Variants in NLGN4Y observed in about 807,000 individuals in gnomAD.
NLGN4Y encodes neuroligin-4, Y-linked.
Under a neutral mutation model 8.4 loss-of-function variants are expected in NLGN4Y, and 4 were observed. That is an observed-to-expected ratio of 0.48 (90% CI 0.23 to 1.09). NLGN4Y has a LOEUF of 1.09. NLGN4Y is among the 50% of genes least tolerant of loss of function. The probability of loss-of-function intolerance (pLI) is 0.19; values close to 1 mark genes in which losing one functional copy is unlikely to be tolerated. For missense variants in NLGN4Y, 90 were observed against 192.3 expected, an observed-to-expected ratio of 0.47 and a Z score of 3.15; for synonymous variants, 35 against 75.6, an observed-to-expected ratio of 0.46 and a Z score of 2.78.
chrY:14,542,390 A>G (rs2080153404), intron 1 of NLGN4Y, among the ~76,000 whole-genome samples: 1 of 33,467 alleles, frequency 3.0e-5, no homozygotes, highest in East Asian at 8.0e-4. Context: ...AGACTGAACA[A>G]TGAGACAGAA....
chrY:14,547,417 C>A, intron 1 of NLGN4Y, among the ~76,000 whole-genome samples: 1 of 33,841 alleles, frequency 3.0e-5, no homozygotes, highest in Non-Finnish European at 7.3e-5. Context: ...GGAGGTGAAA[C>A]CTTGTAACCC....
chrY:14,574,442 C>T (rs908669313), intron 1 of NLGN4Y, among the ~76,000 whole-genome samples: 7 of 32,920 alleles, frequency 2.1e-4, no homozygotes, highest in Non-Finnish European at 4.5e-4. Context: ...TTTCCATTTG[C>T]TTGGTAGATC....
intron 2 of NLGN4Y, among the ~76,000 whole-genome samples, chrY:14,703,470 T>G: frequency 3.0e-5 from 1 of 33,574 alleles, no homozygotes; most frequent in African/African-American, 1.2e-4. Flanking sequence ...CAGATGGTTG[T>G]AGATATGCGG....
chrY:14,831,653 AAAC>A (rs2043179643), intron 6 of NLGN4Y, among the ~76,000 whole-genome samples: 1 of 30,499 alleles, frequency 3.3e-5, no homozygotes, highest in African/African-American at 1.3e-4. Context: ...ATAGAAATAC[AAAC>A]AACTACAAAT....
chrY:14,706,555 G>A, intron 2 of NLGN4Y, among the ~76,000 whole-genome samples: 2 of 31,075 alleles, frequency 6.4e-5, no homozygotes, highest in Non-Finnish European at 1.5e-4. Flanking sequence ...TGGGATTACA[G>A]GCATGTGGCA....
intron 2 of NLGN4Y, chrY:14,640,342 T>C: frequency 9.1e-6 from 1 of 109,852 alleles, no homozygotes; most frequent in African/African-American, 1.0e-4. Context: ...GAATAGATGC[T>C]GGCAAGCCCC....
chrY:14,664,832 T>C (rs977586769), intron 2 of NLGN4Y, among the ~76,000 whole-genome samples: 3 of 34,065 alleles, frequency 8.8e-5, no homozygotes. Flanking sequence ...AGATACTTTT[T>C]ATCCATTCAA....
intron 1 of NLGN4Y, among the ~76,000 whole-genome samples, chrY:14,603,722 G>A (rs2080436675): frequency 3.0e-5 from 1 of 33,283 alleles, no homozygotes; most frequent in Non-Finnish European, 7.4e-5. Flanking sequence ...AGTTTGGTGA[G>A]ACAGATGAAC....
At chrY:14,645,895 T>C (rs2080609957) in intron 2 of NLGN4Y, among the ~76,000 whole-genome samples, 2 of 32,272 alleles carry the variant, frequency 6.2e-5, no homozygotes, top group Non-Finnish European at 1.5e-4. Context: ...GGTGATAATA[T>C]GGTTGATGAG....
intron 2 of NLGN4Y, among the ~76,000 whole-genome samples, chrY:14,686,003 GGAATATTGGCTGC>G (rs2080788641): frequency 3.1e-5 from 1 of 32,671 alleles, no homozygotes; most frequent in Non-Finnish European, 7.5e-5. Flanking sequence ...GTATTTACAG[GGAATATTGGCTGC>G]TGTGAAGGCT....
intron 2 of NLGN4Y, among the ~76,000 whole-genome samples, chrY:14,669,001 C>T (rs2080701184): frequency 3.0e-5 from 1 of 32,803 alleles, no homozygotes; most frequent in Non-Finnish European, 7.5e-5. Flanking sequence ...TGGTGATATA[C>T]AGCCAAATGA....
chrY:14,785,434 T>C, intron 4 of NLGN4Y, among the ~76,000 whole-genome samples: 1 of 34,266 alleles, frequency 2.9e-5, no homozygotes, highest in Non-Finnish European at 7.3e-5. Context: ...TGTGTAATGG[T>C]ATCCAGTATG....
intron 4 of NLGN4Y, among the ~76,000 whole-genome samples, chrY:14,820,628 T>C (rs761466274): frequency 3.1e-5 from 1 of 32,710 alleles, no homozygotes; most frequent in South Asian, 7.1e-4. Flanking sequence ...CCACAGTTTA[T>C]ACCATAAATC....
At chrY:14,682,292 G>T (rs2080773380) in intron 2 of NLGN4Y, among the ~76,000 whole-genome samples, 2 of 33,409 alleles carry the variant, frequency 6.0e-5, no homozygotes, top group Admixed American at 5.5e-4. Flanking sequence ...AGGGCCTCAG[G>T]AAATTTAATA....
chrY:14,702,393 G>A (rs2080854461), intron 2 of NLGN4Y, among the ~76,000 whole-genome samples: 3 of 31,485 alleles, frequency 9.5e-5, no homozygotes, highest in Non-Finnish European at 2.3e-4. Flanking sequence ...GTTCCCACCT[G>A]TGAGTGAGAA....
At chrY:14,598,250 G>C (rs2080411796) in intron 1 of NLGN4Y, among the ~76,000 whole-genome samples, 1 of 34,572 alleles carries the variant, frequency 2.9e-5, no homozygotes, top group African/African-American at 1.1e-4. Context: ...GAGCAGGGTT[G>C]GTGCTCGTCG....
At chrY:14,595,855 G>A in intron 1 of NLGN4Y, among the ~76,000 whole-genome samples, 2 of 33,165 alleles carry the variant, frequency 6.0e-5, no homozygotes, top group Non-Finnish European at 1.5e-4. Context: ...GAGGAAGGTC[G>A]GATTTAGTGG....
intron 2 of NLGN4Y, among the ~76,000 whole-genome samples, chrY:14,679,327 A>T (rs2080760657): frequency 6.2e-5 from 2 of 32,144 alleles, no homozygotes; most frequent in Admixed American, 5.8e-4. Flanking sequence ...TTTTTTTCCA[A>T]TTAGTGTGCT....
chrY:14,837,734 G>A (rs372295152), intron 6 of NLGN4Y, among the ~76,000 whole-genome samples: 7 of 33,204 alleles, frequency 2.1e-4, no homozygotes, highest in African/African-American at 7.0e-4. Flanking sequence ...AGATTACATC[G>A]GGCAGCAGCT....
Sources: allele counts gnomAD v4.1 joint callset (sites outside exome capture counted in the v4.1 genomes callset), GRCh38; gene constraint gnomAD v4.1.1; transcripts MANE v1.5; gene names NCBI Gene and HGNC (gene_info 2026-07-23, HGNC 2026-07-21).